TRDN: variants seen among roughly 807,000 people sequenced by gnomAD.
The protein encoded by TRDN is triadin, also known as triadin in skeletal muscle.
Under a neutral mutation model 149.7 loss-of-function variants are expected in TRDN, and 161 were observed. That is an observed-to-expected ratio of 1.08 (90% CI 0.95 to 1.23). The LOEUF (loss-of-function observed/expected upper bound fraction) is 1.23. TRDN is among the 50% of genes most tolerant of loss of function. TRDN has a pLI of 0.00. For missense variants in TRDN, 896 were observed against 823.5 expected (o/e 1.09, Z -1.08); for synonymous variants, 294 against 250.5 (o/e 1.17, Z -1.64).
At chr6:123,276,595 A>T (rs1011070935) in intron 26 of TRDN, among the ~76,000 whole-genome samples, 1 of 152,124 alleles carries the variant, frequency 6.6e-6, no homozygotes, top group African/African-American at 2.4e-5. Flanking sequence ...GATAGAGCCA[A>T]GGTTGTGGTT....
chr6:123,553,072 A>G (rs1200423541), intron 2 of TRDN, among the ~76,000 whole-genome samples: 2 of 152,194 alleles, frequency 1.3e-5, no homozygotes, highest in Non-Finnish European at 2.9e-5. Flanking sequence ...ATCAAATGGT[A>G]CGATGCCTGC....
At chr6:123,454,821 G>C (rs1299401874) in intron 10 of TRDN, among the ~76,000 whole-genome samples, 1 of 152,198 alleles carries the variant, frequency 6.6e-6, no homozygotes, top group African/African-American at 2.4e-5. Context: ...ATCTGAAGTG[G>C]AACAGTTTCA....
intron 16 of TRDN, among the ~76,000 whole-genome samples, chr6:123,380,714 G>GT (rs34270959): frequency 0.11 from 13,016 of 118,478 alleles, 705 homozygotes; most frequent in Non-Finnish European, 0.15. Context: ...AAGTTCAAGG[G>GT]TTTTTTTTTT....
intron 1 of TRDN, among the ~76,000 whole-genome samples, chr6:123,620,966 G>A (rs753279202): frequency 3.9e-5 from 6 of 152,142 alleles, no homozygotes; most frequent in Admixed American, 1.3e-4. Context: ...ACAGCAAGGT[G>A]CAGAACCTAG....
Position 123,423,143 on chromosome 6 carries a change from C to T in TRDN, c.1051+14920G>A, listed in dbSNP as rs117896529. 4.0e-3 allele frequency among the ~76,000 whole-genome samples: 605 copies of T among 152,052 alleles called. 2 individuals carry two copies. The highest frequency in any genetic ancestry group is 6.6e-3 in the Admixed American group (100 of 15,252). ...AATTTTATACTCCAGCTATAAAATG[C>T]CATCTTTTCACATTAAACATTTTAA... On this transcript the variant is annotated intron_variant, in intron 12 of 40. Coordinates refer to ENST00000334268, the MANE Select transcript of TRDN (RefSeq NM_006073.4).
At chr6:123,560,924 A>G (rs1043047241) in intron 2 of TRDN, among the ~76,000 whole-genome samples, 4 of 152,176 alleles carry the variant, frequency 2.6e-5, no homozygotes, top group Admixed American at 2.0e-4. Context: ...TCAGTGTTCC[A>G]TCTGCTATTC....
intron 6 of TRDN, among the ~76,000 whole-genome samples, chr6:123,514,401 C>T (rs191642681): frequency 1.3e-5 from 2 of 152,088 alleles, no homozygotes; most frequent in Admixed American, 1.3e-4. Flanking sequence ...ATATTGGTGG[C>T]TATTGAATTA....
intron 1 of TRDN, among the ~76,000 whole-genome samples, chr6:123,603,684 T>G (rs1313774418): frequency 1.3e-5 from 2 of 152,166 alleles, no homozygotes; most frequent in Non-Finnish European, 2.9e-5. Context: ...TGAGATTCTT[T>G]ATACTTTGCT....
At chr6:123,236,371 T>G (rs1371760046) in intron 38 of TRDN, among the ~76,000 whole-genome samples, 4 of 152,216 alleles carry the variant, frequency 2.6e-5, no homozygotes, top group Non-Finnish European at 5.9e-5. Flanking sequence ...AACTAACATT[T>G]TATTTCACCC....
At chr6:123,373,169 A>C (rs1279567306) in intron 19 of TRDN, among the ~76,000 whole-genome samples, 1 of 152,068 alleles carries the variant, frequency 6.6e-6, no homozygotes. Context: ...TTCAATTCCC[A>C]CACGTTGTGG....
Position 123,259,675 on chromosome 6 carries a change from A to G in TRDN, c.1832-13T>C. On this transcript the variant is annotated splice_polypyrimidine_tract_variant and intron_variant, in intron 34 of 40. Transcript: ENST00000334268. ...GTTTTCTTCTTTCCTAGGGGAAAGA[A>G]AAACAACAAGAAACCATCATTTTAA... The G allele has an allele frequency of 6.9e-7, 1 of 1,458,758 alleles. No individual in the cohort carries two copies. Among genetic ancestry groups the G allele is most frequent in the Non-Finnish European group, 9.2e-7 (1 of 1,081,522 alleles). The allele number at this position is 1,458,758 out of a possible 1,614,324, so 90.4% of individuals were successfully genotyped here. A position where few individuals can be genotyped will look rare whatever the true frequency, so the allele number is the denominator to read the frequency against.
At chr6:123,630,822 A>G (rs1027657669) in intron 1 of TRDN, among the ~76,000 whole-genome samples, 1 of 152,062 alleles carries the variant, frequency 6.6e-6, no homozygotes, top group African/African-American at 2.4e-5. Context: ...TTTAAAAAAC[A>G]TAAACTTAAT....
chr6:123,616,554 G>A (rs929120760), intron 1 of TRDN, among the ~76,000 whole-genome samples: 9 of 152,082 alleles, frequency 5.9e-5, no homozygotes, highest in Non-Finnish European at 7.4e-5. Context: ...TTTATACTGT[G>A]TAAATGCTGT....
intron 38 of TRDN, among the ~76,000 whole-genome samples, chr6:123,242,881 C>T (rs73771911): frequency 0.044 from 6,688 of 152,106 alleles, 429 homozygotes; most frequent in African/African-American, 0.15. Flanking sequence ...TATGCAAAGG[C>T]ATTGCTCCAA....
chr6:123,298,157 A>G (rs991038700), intron 24 of TRDN, among the ~76,000 whole-genome samples: 2 of 152,104 alleles, frequency 1.3e-5, no homozygotes, highest in African/African-American at 4.8e-5. Context: ...AAGCATGGTT[A>G]GTTAAAAGAA....
At chr6:123,453,212 C>A (rs1775894552) in intron 10 of TRDN, among the ~76,000 whole-genome samples, 1 of 151,998 alleles carries the variant, frequency 6.6e-6, no homozygotes, top group Non-Finnish European at 1.5e-5. Context: ...ATTTCATGAC[C>A]AATAACCCAA....
chr6:123,477,792 A>G (rs1321876111), intron 9 of TRDN, among the ~76,000 whole-genome samples: 10 of 152,044 alleles, frequency 6.6e-5, no homozygotes, highest in Non-Finnish European at 5.9e-5. Flanking sequence ...CATCATTCTC[A>G]GTAAACTATC....
intron 2 of TRDN, among the ~76,000 whole-genome samples, chr6:123,567,325 A>G (rs971870799): frequency 5.3e-5 from 8 of 152,158 alleles, no homozygotes; most frequent in African/African-American, 1.7e-4. Context: ...ACTTTTCTCT[A>G]CTTGTTAGAT....
intron 1 of TRDN, among the ~76,000 whole-genome samples, chr6:123,580,064 A>G (rs1293301721): frequency 6.6e-6 from 1 of 152,142 alleles, no homozygotes; most frequent in Non-Finnish European, 1.5e-5. Context: ...CTAATACACA[A>G]TTTTAGAAGG....
Sources: gnomAD v4.1 joint callset for allele counts (sites outside exome capture counted in the v4.1 genomes callset) on GRCh38, gnomAD v4.1.1 for gene constraint, MANE v1.5 for transcripts, NCBI Gene and HGNC (gene_info 2026-07-23, HGNC 2026-07-21) for gene names.